The following ZNF674 variants were observed in gnomAD, a reference collection of about 807,000 sequenced individuals.
ZNF674 encodes zinc finger family member 674.
A neutral mutation model predicts 7.0 loss-of-function variants in ZNF674; 2 were observed. The observed-to-expected ratio is 0.29, with a 90% CI of 0.12 to 0.90. The LOEUF (loss-of-function observed/expected upper bound fraction) is 0.90. Ranked by LOEUF, ZNF674 falls within the 40% of genes least tolerant of loss-of-function variation. The probability of loss-of-function intolerance (pLI) is 0.57; values close to 1 mark genes in which losing one functional copy is unlikely to be tolerated. For missense variants in ZNF674, 297 were observed against 415.5 expected (o/e 0.71, Z 2.48); for synonymous variants, 103 against 145.2 (o/e 0.71, Z 2.09).
At chrX:46,512,515 C>G (rs1432540329) in intron 5 of ZNF674, among the ~76,000 whole-genome samples, 1 of 110,195 alleles carries the variant, frequency 9.1e-6, no homozygotes, top group African/African-American at 3.3e-5. Context: ...AATCCCAGCA[C>G]TTTGGGAGGC....
intron 5 of ZNF674, among the ~76,000 whole-genome samples, chrX:46,506,395 A>G (rs151262293): frequency 0.011 from 1,094 of 103,841 alleles, 9 homozygotes; most frequent in African/African-American, 0.035. Flanking sequence ...CTGGCCCTGT[A>G]GCATCTTGGC....
At chrX:46,539,383 G>A (rs1160815213) in intron 3 of ZNF674, among the ~76,000 whole-genome samples, 2 of 112,499 alleles carry the variant, frequency 1.8e-5, no homozygotes, top group Non-Finnish European at 3.8e-5. Flanking sequence ...CAAATTGACA[G>A]TTCTGAATCA....
chrX:46,519,248 AGAT>A (rs1569476189), intron 5 of ZNF674, among the ~76,000 whole-genome samples: 20 of 74,029 alleles, frequency 2.7e-4, no homozygotes, highest in African/African-American at 4.2e-4. Flanking sequence ...ATAGATAGAT[AGAT>A]AGATAGATAG....
At chrX:46,505,548 A>G (rs1941517917) in intron 5 of ZNF674, among the ~76,000 whole-genome samples, 1 of 111,750 alleles carries the variant, frequency 8.9e-6, no homozygotes, top group Non-Finnish European at 1.9e-5. Flanking sequence ...AGGCGGATGT[A>G]TCACCTGAGG....
intron 5 of ZNF674, among the ~76,000 whole-genome samples, chrX:46,507,197 A>T (rs1356441341): frequency 2.7e-5 from 3 of 110,759 alleles, no homozygotes; most frequent in Non-Finnish European, 5.7e-5. Flanking sequence ...TGAAAAACTT[A>T]AAAAATTAGC....
intron 5 of ZNF674, among the ~76,000 whole-genome samples, chrX:46,508,549 T>C (rs1440100295): frequency 9.0e-6 from 1 of 111,450 alleles, no homozygotes; most frequent in African/African-American, 3.3e-5. Context: ...ATAAATTACC[T>C]TGGGCAGTAT....
chrX:46,509,446 AAAAC>A (rs1347634675), intron 5 of ZNF674, among the ~76,000 whole-genome samples: 1 of 107,733 alleles, frequency 9.3e-6, no homozygotes, highest in Non-Finnish European at 1.9e-5. Context: ...TTACAAGAAA[AAAAC>A]AAACAACCCC....
intron 3 of ZNF674, among the ~76,000 whole-genome samples, chrX:46,537,395 G>T (rs1942219776): frequency 9.0e-6 from 1 of 110,987 alleles, no homozygotes; most frequent in Non-Finnish European, 1.9e-5. Context: ...AAAATGTTGT[G>T]GTTTTGTATA....
chrX:46,498,063 G>C lies in ZNF674; in HGVS notation c.*1780C>G, dbSNP rs960431541. The C allele has an allele frequency of 8.2e-5, 9 of 110,202 alleles. No homozygotes were observed. The highest frequency in any genetic ancestry group is 3.0e-4 in the African/African-American group (9 of 30,299). The allele number at this position is 110,202 out of a possible 1,213,427, so 9.1% of individuals were successfully genotyped here. Reference sequence around the variant, plus strand: ...ATAATGGTTCATATACTTCCTGTTTGTACAATATTAATCATATGGTTATTG... The same window carrying C: ...ATAATGGTTCATATACTTCCTGTTTCTACAATATTAATCATATGGTTATTG... On this transcript the variant is annotated 3_prime_UTR_variant, in exon 6 of 6. Coordinates refer to ENST00000683375, the MANE Select transcript of ZNF674 (RefSeq NM_001190417.2).
At chrX:46,542,035 T>C in intron 3 of ZNF674, 38 bp downstream of exon 3, 1 of 1,181,751 alleles carries the variant, frequency 8.5e-7, no homozygotes, top group Non-Finnish European at 1.2e-6. Flanking sequence ...TTTGCCTCAA[T>C]TTCACTGGAA....
At chrX:46,506,412 T>TG (rs1405586886) in intron 5 of ZNF674, among the ~76,000 whole-genome samples, 81 of 85,197 alleles carry the variant, frequency 9.5e-4, no homozygotes, top group Non-Finnish European at 2.7e-4. Flanking sequence ...TGGCTTTGCA[T>TG]GGGAAAAAAA....
chrX:46,505,179 T>C (rs946849109), intron 5 of ZNF674, among the ~76,000 whole-genome samples: 6 of 112,018 alleles, frequency 5.4e-5, no homozygotes, highest in Non-Finnish European at 9.4e-5. Flanking sequence ...TGAGCCACCG[T>C]GCCTGGCCTG....
intron 3 of ZNF674, among the ~76,000 whole-genome samples, chrX:46,530,101 C>G (rs1453730718): frequency 1.8e-5 from 2 of 111,753 alleles, no homozygotes; most frequent in African/African-American, 3.3e-5. Context: ...TAATAACCCG[C>G]CTGTTTCTGC....
intron 5 of ZNF674, among the ~76,000 whole-genome samples, chrX:46,509,346 C>T (rs1281235684): frequency 9.0e-6 from 1 of 110,570 alleles, no homozygotes; most frequent in Admixed American, 9.7e-5. Flanking sequence ...TCAGAGTGAA[C>T]AGGAAACCTA....
rs56078824 is a variant in ZNF674, at chrX:46,540,013, G to A, written c.15+2060C>T. On this transcript the variant is annotated intron_variant, in intron 3 of 5. Coordinates refer to ENST00000683375, the MANE Select transcript of ZNF674 (RefSeq NM_001190417.2). Reference sequence around the variant, plus strand: ...TAATCCCAGCACTCTGGGAGGCCGAGGAGGGCGGATCACGAGGTCAGGAGA... The same window carrying A: ...TAATCCCAGCACTCTGGGAGGCCGAAGAGGGCGGATCACGAGGTCAGGAGA... 2.7e-5 allele frequency among the ~76,000 whole-genome samples: 3 copies of A among 111,867 alleles called. No homozygotes were observed. In the South Asian group the frequency reaches 1.1e-3, roughly 41 times the overall value.
chrX:46,505,768 T>TCTCACACACA (rs377176227), intron 5 of ZNF674, among the ~76,000 whole-genome samples: 11 of 100,230 alleles, frequency 1.1e-4, no homozygotes, highest in African/African-American at 2.2e-4. Context: ...CAAAACTCTG[T>TCTCACACACA]CACACACACA....
chrX:46,542,259 G>A (rs1312976104), intron 2 of ZNF674, 143 bp from the exon 3 acceptor site: 6 of 365,035 alleles, frequency 1.6e-5, no homozygotes, highest in Non-Finnish European at 2.9e-5. Flanking sequence ...TCCATGGGAC[G>A]CTACTAAGAT....
At chrX:46,512,667 G>A (rs113640900) in intron 5 of ZNF674, among the ~76,000 whole-genome samples, 25,486 of 107,757 alleles carry the variant, frequency 0.24, 2,721 homozygotes, top group Middle Eastern at 0.37. Flanking sequence ...AGGAGGCTGA[G>A]GCAAGAGAAT....
intron 3 of ZNF674, among the ~76,000 whole-genome samples, chrX:46,538,096 A>C (rs1275769497): frequency 9.0e-6 from 1 of 111,300 alleles, no homozygotes; most frequent in Non-Finnish European, 1.9e-5. Flanking sequence ...CTCAAAAAAA[A>C]AAAAAAGTTT....
Sources: allele counts gnomAD v4.1 joint callset (sites outside exome capture counted in the v4.1 genomes callset), GRCh38; gene constraint gnomAD v4.1.1; transcripts MANE v1.5; gene names NCBI Gene and HGNC (gene_info 2026-07-23, HGNC 2026-07-21).